The following COBL variants were observed in gnomAD, a reference collection of about 807,000 sequenced individuals.
The protein encoded by COBL is protein cordon-bleu.
A neutral mutation model predicts 98.8 loss-of-function variants in COBL; 51 were observed. That is an observed-to-expected ratio of 0.52 (90% CI 0.41 to 0.65). The LOEUF is 0.65. Among genes scored for constraint, COBL ranks in the 30% least tolerant of loss-of-function variants. The probability of loss-of-function intolerance (pLI) is 0.00; values close to 1 mark genes in which losing one functional copy is unlikely to be tolerated. For synonymous variants in COBL, 634 were observed against 651.7 expected (o/e 0.97, Z 0.41); for missense variants, 1,617 against 1,617.5 (o/e 1.00, Z 0.01).
At chr7:51,132,601 A>G (rs714499) in intron 6 of COBL, among the ~76,000 whole-genome samples, 83,470 of 152,004 alleles carry the variant, frequency 0.55, 23,672 homozygotes, top group Middle Eastern at 0.68. Flanking sequence ...GGGATGGGTT[A>G]CTAAAGACTT....
intron 7 of COBL, among the ~76,000 whole-genome samples, chr7:51,053,743 G>A (rs568464398): frequency 3.9e-5 from 6 of 152,302 alleles, no homozygotes; most frequent in African/African-American, 9.6e-5. Context: ...CCCCTCGGCC[G>A]GGCCCGGCCA....
At chr7:51,098,808 A>G (rs1260186240) in intron 6 of COBL, among the ~76,000 whole-genome samples, 5 of 152,210 alleles carry the variant, frequency 3.3e-5, no homozygotes, top group Admixed American at 3.3e-4. Context: ...AACAATCAAC[A>G]GAGTGAAGAG....
At chr7:51,243,846 C>T (rs182373424) in intron 1 of COBL, among the ~76,000 whole-genome samples, 11 of 150,890 alleles carry the variant, frequency 7.3e-5, no homozygotes, top group East Asian at 2.0e-4. Flanking sequence ...GGTGTGAGGA[C>T]GTGCACGTGG....
intron 1 of COBL, among the ~76,000 whole-genome samples, chr7:51,292,764 T>C (rs1340985965): frequency 6.6e-6 from 1 of 152,328 alleles, no homozygotes; most frequent in Non-Finnish European, 1.5e-5. Context: ...CCAAGGCCCG[T>C]GGCTTGCCCA....
chr7:51,281,155 A>G (rs1799785634), intron 1 of COBL, among the ~76,000 whole-genome samples: 1 of 152,222 alleles, frequency 6.6e-6, no homozygotes, highest in African/African-American at 2.4e-5. Context: ...TTTAGATTTG[A>G]AAATACAATA....
chr7:51,109,731 A>G (rs971657485), intron 6 of COBL, among the ~76,000 whole-genome samples: 1 of 152,166 alleles, frequency 6.6e-6, no homozygotes, highest in Non-Finnish European at 1.5e-5. Flanking sequence ...GGGAGCCTCA[A>G]AAAAGACAGC....
At chr7:51,152,046 A>G (rs1193918685) in intron 5 of COBL, among the ~76,000 whole-genome samples, 1 of 152,246 alleles carries the variant, frequency 6.6e-6, no homozygotes, top group Non-Finnish European at 1.5e-5. Context: ...CTCTTATTCA[A>G]AAAGTCACAC....
intron 7 of COBL, among the ~76,000 whole-genome samples, chr7:51,061,946 T>TACACACACACACACACACACACACACAC (rs1395412693): frequency 1.0e-5 from 1 of 96,056 alleles, no homozygotes; most frequent in African/African-American, 3.6e-5. Context: ...CTCCCCACCA[T>TACACACACACACACACACACACACACAC]AGATACACAC....
At chr7:51,157,843 A>G (rs1786344728) in intron 5 of COBL, among the ~76,000 whole-genome samples, 1 of 152,218 alleles carries the variant, frequency 6.6e-6, no homozygotes, top group South Asian at 2.1e-4. Context: ...GGATATGGTA[A>G]TTAGCTTGAT....
At position 51,085,229 on chromosome 7, in the gene COBL, G is replaced by A. The variant is rs770349602; in HGVS notation, c.1033C>T (p.Pro345Ser). 2.6e-5 allele frequency: 42 copies of A among 1,613,654 alleles called. No individual in the cohort carries two copies. In the East Asian group the frequency reaches 7.6e-4, roughly 29 times the overall value. ...CGGTTGGGGATCAGGGGACTCGGTG[G>A]TGGTGGCTGTGGTGGAGGGGGAGCT... ...APAPPPPQPP[P>S]PSPLIPNRTE... The change falls in exon 7 of 13, where the codon CCA becomes TCA. Residue 345 changes from proline (P) to serine (S), a missense_variant. By Grantham distance (74) the Pro-to-Ser change is moderately conservative (BLOSUM62 -1). This residue lies in a region of COBL where 1,304 missense variants were observed against 1,282.0 expected (regional missense o/e 1.02). Coordinates refer to ENST00000265136, the MANE Select transcript of COBL (RefSeq NM_015198.5).
chr7:51,119,608 C>A (rs1021121140), intron 6 of COBL, among the ~76,000 whole-genome samples: 1 of 152,138 alleles, frequency 6.6e-6, no homozygotes, highest in African/African-American at 2.4e-5. Flanking sequence ...TTTTGTATCA[C>A]AAATACAGGT....
At chr7:51,214,464 G>A (rs1792826595) in intron 2 of COBL, among the ~76,000 whole-genome samples, 1 of 152,164 alleles carries the variant, frequency 6.6e-6, no homozygotes, top group African/African-American at 2.4e-5. Flanking sequence ...AGTGCATTCT[G>A]GTTGGCTTCA....
chr7:51,057,761 C>T (rs1278914191), intron 7 of COBL, among the ~76,000 whole-genome samples: 2 of 152,164 alleles, frequency 1.3e-5, no homozygotes, highest in African/African-American at 4.8e-5. Flanking sequence ...CACCAACACT[C>T]AAAATAACCT....
At chr7:51,081,972 G>A (rs1051040927) in intron 7 of COBL, among the ~76,000 whole-genome samples, 4 of 152,024 alleles carry the variant, frequency 2.6e-5, no homozygotes, top group Admixed American at 2.0e-4. Flanking sequence ...TCGGAAGCAT[G>A]TCTAATGTCA....
chr7:51,246,185 T>A (rs1329506777), intron 1 of COBL, among the ~76,000 whole-genome samples: 2 of 152,124 alleles, frequency 1.3e-5, no homozygotes, highest in Non-Finnish European at 2.9e-5. Flanking sequence ...AGTATGTAAG[T>A]TTCCTACTTG....
At chr7:51,134,820 A>G (rs949743820) in intron 6 of COBL, among the ~76,000 whole-genome samples, 1 of 152,232 alleles carries the variant, frequency 6.6e-6, no homozygotes, top group African/African-American at 2.4e-5. Context: ...TGTGTTTTCC[A>G]TTTGCATCAT....
intron 6 of COBL, among the ~76,000 whole-genome samples, chr7:51,115,316 GATTT>G (rs1331055652): frequency 6.6e-6 from 1 of 151,588 alleles, no homozygotes; most frequent in Admixed American, 6.6e-5. Flanking sequence ...CTCTTTCTTG[GATTT>G]ATTTTGTTCT....
At chr7:51,281,127 G>A (rs765801224) in intron 1 of COBL, among the ~76,000 whole-genome samples, 1 of 152,030 alleles carries the variant, frequency 6.6e-6, no homozygotes, top group African/African-American at 2.4e-5. Context: ...AAGATATAAC[G>A]AAGAAACAAA....
rs56104845 is a variant in COBL at position 51,106,903 on chromosome 7, C to T, written c.958-21599G>A. Among the ~76,000 whole-genome samples the T allele has an allele frequency of 6.0e-3, 908 of 152,070 alleles. 3 individuals are homozygous for T. Among genetic ancestry groups the T allele is most frequent in the Middle Eastern group, 0.01 (3 of 292 alleles). On this transcript the variant is annotated intron_variant, in intron 6 of 12. Coordinates refer to ENST00000265136, the MANE Select transcript of COBL (RefSeq NM_015198.5). ...TTTCTACCTGACTGAGAACAAAATGCCCTGAAACAGAATACTAATGTGCTC... is the reference window on the plus strand; with the variant it reads ...TTTCTACCTGACTGAGAACAAAATGTCCTGAAACAGAATACTAATGTGCTC...
Sources: allele counts gnomAD v4.1 joint callset (sites outside exome capture counted in the v4.1 genomes callset), GRCh38; gene constraint gnomAD v4.1.1; regional missense constraint gnomAD v4.1.1; transcripts MANE v1.5; gene names NCBI Gene and HGNC (gene_info 2026-07-23, HGNC 2026-07-21).